NRG1: variants seen among roughly 807,000 people sequenced by gnomAD.
The protein encoded by NRG1 is pro-neuregulin-1, membrane-bound isoform.
NRG1 carries 18 observed loss-of-function variants against 63.8 expected under a neutral mutation model. That is an observed-to-expected ratio of 0.28 (90% confidence interval 0.19 to 0.42). The LOEUF is 0.42. Ranked by LOEUF, NRG1 falls within the 10% of genes least tolerant of loss-of-function variation. The pLI is 1.00. For synonymous variants in NRG1, 302 were observed against 301.3 expected, an observed-to-expected ratio of 1.00 and a Z score of -0.02; for missense variants, 762 against 814.7, an observed-to-expected ratio of 0.94 and a Z score of 0.79.
intron 1 of NRG1, among the ~76,000 whole-genome samples, chr8:31,902,090 G>A (rs902063986): frequency 3.9e-5 from 6 of 152,086 alleles, no homozygotes; most frequent in Admixed American, 1.3e-4. Context: ...TAAAAAAAAA[G>A]TGGGTGAGAT....
At chr8:32,434,946 G>T (rs1225396237) in intron 1 of NRG1, among the ~76,000 whole-genome samples, 2 of 152,148 alleles carry the variant, frequency 1.3e-5, no homozygotes, top group African/African-American at 4.8e-5. Context: ...TTATGTCAGG[G>T]AGTTGAGCAT....
Position 32,554,807 on chromosome 8 carries a change from A to G in NRG1, c.100+5981A>G, listed in dbSNP as rs1284071544. Among the ~76,000 whole-genome samples the G allele has an allele frequency of 2.6e-5, 4 of 152,314 alleles. No homozygotes were observed. The East Asian group carries it at 7.7e-4, about 29-fold the overall frequency. On this transcript the variant is annotated intron_variant, in intron 1 of 11. Coordinates refer to ENST00000356819, the Ensembl canonical transcript of NRG1. ...GTTCTGCCTCTACATAAGAGCAGAG[A>G]TGATCAGAATTCTCTTCATTCTTCC...
chr8:31,763,637 G>A (rs1817765517), intron 1 of NRG1, among the ~76,000 whole-genome samples: 1 of 152,184 alleles, frequency 6.6e-6, no homozygotes, highest in Admixed American at 6.5e-5. Flanking sequence ...TGGAAATAAA[G>A]GGATACAAGA....
chr8:32,629,300 C>T (rs894988678), intron 5 of NRG1, among the ~76,000 whole-genome samples: 1 of 152,192 alleles, frequency 6.6e-6, no homozygotes, highest in Non-Finnish European at 1.5e-5. Flanking sequence ...GCTTGAACCA[C>T]AGTCTTGCCA....
At chr8:32,014,993 G>C (rs1381323424) in intron 1 of NRG1, among the ~76,000 whole-genome samples, 1 of 152,086 alleles carries the variant, frequency 6.6e-6, no homozygotes, top group Non-Finnish European at 1.5e-5. Flanking sequence ...GGCCTGAACA[G>C]ATTCTCCCTC....
intron 1 of NRG1, among the ~76,000 whole-genome samples, chr8:32,366,094 A>G (rs758764765): frequency 3.3e-5 from 5 of 152,158 alleles, no homozygotes; most frequent in Admixed American, 6.5e-5. Flanking sequence ...AGTATTTCTA[A>G]TTAGATTAGA....
intron 5 of NRG1, among the ~76,000 whole-genome samples, chr8:32,711,923 C>T (rs934467249): frequency 7.9e-5 from 12 of 152,116 alleles, no homozygotes; most frequent in African/African-American, 2.9e-4. Context: ...AGAAAACCAA[C>T]AGAATGGTAA....
intron 5 of NRG1, among the ~76,000 whole-genome samples, chr8:32,716,114 C>T (rs191759569): frequency 1.3e-3 from 191 of 152,334 alleles, no homozygotes; most frequent in African/African-American, 4.3e-3. Context: ...GCATATGTCT[C>T]TCCATTATGG....
chr8:32,002,119 G>T (rs1813031248), intron 1 of NRG1, among the ~76,000 whole-genome samples: 1 of 151,994 alleles, frequency 6.6e-6, no homozygotes, highest in Non-Finnish European at 1.5e-5. Context: ...TGCCTCCCAG[G>T]TTCAAGTGAT....
intron 1 of NRG1, among the ~76,000 whole-genome samples, chr8:32,097,392 T>C (rs985161419): frequency 6.6e-6 from 1 of 152,248 alleles, no homozygotes; most frequent in African/African-American, 2.4e-5. Flanking sequence ...ATGGTAGTTC[T>C]ATTTTTAGTT....
At chr8:32,692,173 G>T (rs746007084) in intron 5 of NRG1, among the ~76,000 whole-genome samples, 1 of 152,066 alleles carries the variant, frequency 6.6e-6, no homozygotes, top group Non-Finnish European at 1.5e-5. Flanking sequence ...CTCAGGACAG[G>T]GTCAAAACTA....
intron 1 of NRG1, among the ~76,000 whole-genome samples, chr8:32,033,229 G>A (rs1249202580): frequency 6.6e-6 from 1 of 151,746 alleles, no homozygotes; most frequent in East Asian, 1.9e-4. Context: ...CGAGTAGATG[G>A]GACTACAGGC....
At chr8:32,101,866 A>T (rs953519817) in intron 1 of NRG1, among the ~76,000 whole-genome samples, 3 of 152,196 alleles carry the variant, frequency 2.0e-5, no homozygotes, top group Non-Finnish European at 2.9e-5. Context: ...ACTAATATGT[A>T]ACTAGACCAG....
At chr8:32,597,568 T>G (rs1843584797) in intron 2 of NRG1, among the ~76,000 whole-genome samples, 2 of 152,130 alleles carry the variant, frequency 1.3e-5, no homozygotes, top group Admixed American at 1.3e-4. Flanking sequence ...TTACTAATTT[T>G]TTTTACATTA....
In NRG1 at chr8:32,542,051, C is replaced by T. The variant is rs1477801788; in HGVS notation, c.38-53777C>T. On this transcript the variant is annotated intron_variant, in intron 1 of 10. Transcript: ENST00000519301. Reference sequence around the variant, plus strand: ...GTGTTTGCAGGTTTTCATCCATTATCACTTTGTTAGAGTATCTTTGCTAAA... The same window carrying T: ...GTGTTTGCAGGTTTTCATCCATTATTACTTTGTTAGAGTATCTTTGCTAAA... Among the ~76,000 whole-genome samples, 8 of 152,122 alleles carry T rather than the reference C, an allele frequency of 5.3e-5. No individual in the cohort carries two copies. In the East Asian group the frequency reaches 1.5e-3, roughly 29 times the overall value.
chr8:31,811,930 C>T (rs1355947781), intron 1 of NRG1, among the ~76,000 whole-genome samples: 5 of 152,070 alleles, frequency 3.3e-5, no homozygotes, highest in African/African-American at 9.7e-5. Context: ...TATTAGATCT[C>T]ATATATCTAT....
At chr8:32,025,653 C>T (rs1302074397) in intron 1 of NRG1, among the ~76,000 whole-genome samples, 1 of 151,822 alleles carries the variant, frequency 6.6e-6, no homozygotes, top group Non-Finnish European at 1.5e-5. Context: ...TCAATTGACT[C>T]CCTCTCATAA....
chr8:31,952,759 G>A (rs1385499489), intron 1 of NRG1, among the ~76,000 whole-genome samples: 4 of 152,194 alleles, frequency 2.6e-5, no homozygotes, highest in Non-Finnish European at 5.9e-5. Context: ...ACTTGACCCA[G>A]ACCGCAAAAT....
chr8:32,324,338 A>G (rs896902114), intron 1 of NRG1, among the ~76,000 whole-genome samples: 1 of 152,186 alleles, frequency 6.6e-6, no homozygotes, highest in Non-Finnish European at 1.5e-5. Flanking sequence ...CTGATTGCTC[A>G]TTTGCTTCTT....
Sources: allele counts gnomAD v4.1 joint callset (sites outside exome capture counted in the v4.1 genomes callset), GRCh38; gene constraint gnomAD v4.1.1; transcripts MANE v1.5; gene names NCBI Gene and HGNC (gene_info 2026-07-23, HGNC 2026-07-21).